The following ARHGEF33 variants were observed in gnomAD, a reference collection of about 807,000 sequenced individuals.
ARHGEF33 encodes Rho guanine nucleotide exchange factor 33, also known as DH and coiled-coil domain-containing protein ENSP00000381780.
A neutral mutation model predicts 101.9 loss-of-function variants in ARHGEF33; 72 were observed. That is an observed-to-expected ratio of 0.71 (90% CI 0.58 to 0.86). The LOEUF (loss-of-function observed/expected upper bound fraction) is 0.86. Ranked by LOEUF, ARHGEF33 falls within the 40% of genes least tolerant of loss-of-function variation. The pLI is 0.00. For missense variants in ARHGEF33, 1,169 were observed against 1,111.3 expected (o/e 1.05, Z -0.74); for synonymous variants, 499 against 442.5 (o/e 1.13, Z -1.60).
chr2:38,971,713 A>G (rs1347912477), intron 17 of ARHGEF33, among the ~76,000 whole-genome samples: 3 of 152,178 alleles, frequency 2.0e-5, no homozygotes, highest in Non-Finnish European at 4.4e-5. Flanking sequence ...AGGATGAGCA[A>G]TTTAGCTGTT....
At position 38,943,985 on chromosome 2, in the gene ARHGEF33, C is replaced by G; in HGVS notation, c.875C>G (p.Ala292Gly). 6.4e-7 allele frequency: 1 copy of G among 1,551,440 alleles called. No individual in the cohort carries two copies. The highest frequency in any genetic ancestry group is 8.7e-7 in the Non-Finnish European group (1 of 1,146,904). The change falls in exon 10 of 18, where the codon GCC becomes GGC. Residue 292 changes from alanine to glycine, a missense_variant. Transcript: ENST00000409978. ...ATCTCTCTGATCTTGAAGATAAAAG[C>G]CACATTCCAGGGGTCAGATGGAAAG... ...INISLILKIK[A>G]TFQGSDGKRN...
At chr2:38,909,221 G>A (rs1322997407) in intron 2 of ARHGEF33, among the ~76,000 whole-genome samples, 1 of 152,208 alleles carries the variant, frequency 6.6e-6, no homozygotes, top group Admixed American at 6.5e-5. Flanking sequence ...GGTCACGTAA[G>A]GGGCTGACTT....
rs995177038 is a variant in ARHGEF33 at position 38,974,084 on chromosome 2, A to G, written c.*241A>G. 1 of 169,254 alleles carries G rather than the reference A, an allele frequency of 5.9e-6. No homozygotes were observed. Among genetic ancestry groups the G allele is most frequent in the Admixed American group, 6.3e-5 (1 of 15,832 alleles). 10.5% of individuals were successfully genotyped at this position (169,254 alleles called of 1,614,324 possible). A position where few individuals can be genotyped will look rare whatever the true frequency, so the allele number is the denominator to read the frequency against. On this transcript the variant is annotated 3_prime_UTR_variant, in exon 18 of 18. Transcript: ENST00000409978. The stretch of plus-strand genomic sequence containing the variant: ...AACCTCAACACTGGGGAAAAGGGAA[A>G]TGAAGACTTTTCACATCATTACAGA...
chr2:38,964,225 T>C (rs1668006232), intron 16 of ARHGEF33, among the ~76,000 whole-genome samples: 1 of 152,090 alleles, frequency 6.6e-6, no homozygotes, highest in African/African-American at 2.4e-5. Context: ...GGCAGTCTCA[T>C]GATATTCTGC....
chr2:38,892,373 G>A (rs1440726678), intron 1 of ARHGEF33, among the ~76,000 whole-genome samples: 1 of 151,786 alleles, frequency 6.6e-6, no homozygotes, highest in Non-Finnish European at 1.5e-5. Flanking sequence ...TATGGAGTGT[G>A]TGAGTAGGTG....
intron 2 of ARHGEF33, among the ~76,000 whole-genome samples, chr2:38,910,946 T>A (rs1666496235): frequency 2.0e-5 from 3 of 152,196 alleles, no homozygotes; most frequent in Admixed American, 2.0e-4. Context: ...TGAAGCGACT[T>A]CCAGTGTAAC....
intron 17 of ARHGEF33, among the ~76,000 whole-genome samples, 198 bp downstream of exon 17, chr2:38,966,343 T>A (rs1323333583): frequency 1.3e-5 from 2 of 152,202 alleles, no homozygotes; most frequent in African/African-American, 4.8e-5. Context: ...CAAACTCAGC[T>A]CTCTGCCCTG....
intron 9 of ARHGEF33, among the ~76,000 whole-genome samples, chr2:38,939,421 G>C (rs1667243219): frequency 6.6e-6 from 1 of 152,128 alleles, no homozygotes. Context: ...GTTTTCTAAA[G>C]CAGTTGGCTA....
intron 1 of ARHGEF33, among the ~76,000 whole-genome samples, chr2:38,894,319 G>GA (rs1666072883): frequency 6.9e-6 from 1 of 144,502 alleles, no homozygotes; most frequent in African/African-American, 2.5e-5. Context: ...GCTTCAGAGA[G>GA]AAAACCTGCC....
intron 4 of ARHGEF33, among the ~76,000 whole-genome samples, chr2:38,927,080 T>C (rs1666890897): frequency 6.6e-6 from 1 of 152,176 alleles, no homozygotes; most frequent in Non-Finnish European, 1.5e-5. Flanking sequence ...TAAAACTGAT[T>C]GAAATGAAAA....
Position 38,928,343 on chromosome 2 carries a change from G to A in ARHGEF33, c.76-564G>A, listed in dbSNP as rs1037026479. 2.0e-5 allele frequency among the ~76,000 whole-genome samples: 3 copies of A among 152,078 alleles called. No homozygotes were observed. The East Asian group carries it at 5.8e-4, about 29-fold the overall frequency. On this transcript the variant is annotated intron_variant, in intron 4 of 17. Transcript: ENST00000409978. ...CCTTCCTTATGAGTTAAAGCCCACCGTCATTGAAAATACTGTTACCTCCTT... is the reference window on the plus strand; with the variant it reads ...CCTTCCTTATGAGTTAAAGCCCACCATCATTGAAAATACTGTTACCTCCTT...
In ARHGEF33 at chr2:38,954,423, C is replaced by G. The variant is rs1395086517; in HGVS notation, c.1188C>G (p.Val396=). 6.4e-7 allele frequency: 1 copy of G among 1,550,738 alleles called. No homozygotes were observed. The highest frequency in any genetic ancestry group is 8.7e-7 in the Non-Finnish European group (1 of 1,146,286). Residue 396 remains valine (V), a synonymous_variant, in exon 13 of 18, where the codon GTC becomes GTG. Coordinates refer to ENST00000409978, the MANE Select transcript of ARHGEF33 (RefSeq NM_001145451.5). ...SDIYTLFFHI[V]QRIPEYLIHL... is the part of the protein sequence containing the mutation. ...TCTACACGTTGTTTTTTCACATAGT[C>G]CAGCGCATCCCTGAATATCTGATAC... is the stretch of plus-strand genomic sequence containing the variant.
intron 13 of ARHGEF33, among the ~76,000 whole-genome samples, chr2:38,955,742 T>A (rs996100538): frequency 1.3e-5 from 2 of 152,014 alleles, no homozygotes; most frequent in African/African-American, 4.8e-5. Flanking sequence ...AGTGGCATGA[T>A]CTCAGCTCAC....
intron 16 of ARHGEF33, among the ~76,000 whole-genome samples, chr2:38,961,124 A>C (rs1309650652): frequency 6.6e-6 from 1 of 151,840 alleles, no homozygotes; most frequent in South Asian, 2.1e-4. Flanking sequence ...GCGCCAGCCT[A>C]CTCCACTTCT....
At chr2:38,953,625 A>G (rs910307467) in intron 12 of ARHGEF33, among the ~76,000 whole-genome samples, 1 of 152,226 alleles carries the variant, frequency 6.6e-6, no homozygotes, top group African/African-American at 2.4e-5. Context: ...TTATAAGATA[A>G]GGTGGCTCTA....
At chr2:38,892,065 T>G (rs1666017242) in intron 1 of ARHGEF33, among the ~76,000 whole-genome samples, 1 of 152,146 alleles carries the variant, frequency 6.6e-6, no homozygotes, top group African/African-American at 2.4e-5. Flanking sequence ...CTTCCTAAAA[T>G]AATCAGAAAA....
intron 2 of ARHGEF33, among the ~76,000 whole-genome samples, chr2:38,900,626 C>T (rs1009955169): frequency 6.6e-6 from 1 of 152,180 alleles, no homozygotes; most frequent in Admixed American, 6.5e-5. Context: ...TACAGGGACA[C>T]ACCAGGAGCT....
At chr2:38,921,747 A>G (rs960488224) in intron 4 of ARHGEF33, among the ~76,000 whole-genome samples, 2 of 152,106 alleles carry the variant, frequency 1.3e-5, no homozygotes, top group African/African-American at 4.8e-5. Context: ...ATTGAAAGAC[A>G]AGTTATCTCA....
intron 10 of ARHGEF33, among the ~76,000 whole-genome samples, chr2:38,945,059 T>G (rs2124403869): frequency 6.6e-6 from 1 of 152,346 alleles, no homozygotes; most frequent in South Asian, 2.1e-4. Context: ...AAGATTAATG[T>G]AATGAATATA....
Sources: gnomAD v4.1 joint callset for allele counts (sites outside exome capture counted in the v4.1 genomes callset) on GRCh38, gnomAD v4.1.1 for gene constraint, MANE v1.5 for transcripts, NCBI Gene and HGNC (gene_info 2026-07-23, HGNC 2026-07-21) for gene names.